Variants in WDR44 observed in about 807,000 individuals in gnomAD.
WDR44 encodes WD repeat domain 44.
WDR44 carries 9 observed loss-of-function variants against 65.7 expected under a neutral mutation model. The observed-to-expected ratio is 0.14, with a 90% CI of 0.08 to 0.24. The LOEUF is 0.24. WDR44 is among the 10% of genes least tolerant of loss of function. The probability of loss-of-function intolerance (pLI) is 1.00; values close to 1 mark genes in which losing one functional copy is unlikely to be tolerated. For synonymous variants in WDR44, 220 were observed against 235.2 expected (o/e 0.94, Z 0.59); for missense variants, 425 against 670.9 (o/e 0.63, Z 4.05).
chrX:118,409,354 T>C (rs1397543900), intron 10 of WDR44, 135 bp from the exon 11 acceptor site: 1 of 601,265 alleles, frequency 1.7e-6, no homozygotes, highest in African/African-American at 2.4e-5. Flanking sequence ...GGTCTCGAAC[T>C]CCTGACCTTA....
intron 8 of WDR44, among the ~76,000 whole-genome samples, chrX:118,400,665 GTTTTGT>G (rs1306388142): frequency 1.4e-5 from 1 of 73,268 alleles, no homozygotes; most frequent in African/African-American, 1.5e-4. Flanking sequence ...CCAGAAATCA[GTTTTGT>G]TTTTTTTTTT....
At chrX:118,391,877 G>C (rs769798326) in intron 3 of WDR44, among the ~76,000 whole-genome samples, 1 of 111,471 alleles carries the variant, frequency 9.0e-6, no homozygotes, top group Admixed American at 9.5e-5. Context: ...TTTTAGGGAG[G>C]CTGAGGCAGG....
chrX:118,393,394 A>G, intron 4 of WDR44, 123 bp downstream of exon 4: 10 of 731,911 alleles, frequency 1.4e-5, no homozygotes, highest in Non-Finnish European at 2.0e-5. Context: ...AGCCTGGGCA[A>G]CATGGCAAAA....
intron 12 of WDR44, among the ~76,000 whole-genome samples, chrX:118,414,686 C>G (rs1262619597): frequency 9.0e-6 from 1 of 111,700 alleles, no homozygotes; most frequent in Non-Finnish European, 1.9e-5. Flanking sequence ...CGCTTGGTTG[C>G]TGTTGGTGTA....
chrX:118,441,268 A>G, intron 14 of WDR44, 100 bp from the exon 15 acceptor site: 1 of 849,644 alleles, frequency 1.2e-6, no homozygotes, highest in Non-Finnish European at 1.7e-6. Flanking sequence ...CCTGAAATCT[A>G]CATTTTTAAA....
chrX:118,394,020 GGTTGTTATTATT>G (rs1206971545), intron 4 of WDR44, 23 bp from the exon 5 acceptor site: 4 of 1,159,776 alleles, frequency 3.4e-6, no homozygotes, highest in Non-Finnish European at 4.7e-6. Context: ...AAACAAAAAG[GGTTGTTATTATT>G]GTTGTTATTA....
intron 12 of WDR44, among the ~76,000 whole-genome samples, chrX:118,430,854 A>G (rs1292000037): frequency 9.0e-6 from 1 of 111,171 alleles, no homozygotes; most frequent in Non-Finnish European, 1.9e-5. Flanking sequence ...ATTTGTATGT[A>G]ATGAGGGAAG....
chrX:118,399,631 A>C (rs2056894769), intron 8 of WDR44, among the ~76,000 whole-genome samples: 1 of 111,824 alleles, frequency 8.9e-6, no homozygotes, highest in Admixed American at 9.6e-5. Flanking sequence ...TCTAAGAGAA[A>C]AGTTCCTCAG....
intron 5 of WDR44, among the ~76,000 whole-genome samples, 169 bp downstream of exon 5, chrX:118,394,354 G>A (rs2056847686): frequency 9.0e-6 from 1 of 111,656 alleles, no homozygotes; most frequent in African/African-American, 3.3e-5. Context: ...GGTGAGCCTA[G>A]CAAGCTGTTT....
At chrX:118,417,954 T>C (rs549600218) in intron 12 of WDR44, among the ~76,000 whole-genome samples, 1 of 112,074 alleles carries the variant, frequency 8.9e-6, no homozygotes, top group African/African-American at 3.2e-5. Context: ...AATTTCTTTC[T>C]TCTACTTGTT....
At chrX:118,361,943 G>T (rs1027234473) in intron 1 of WDR44, among the ~76,000 whole-genome samples, 11 of 112,260 alleles carry the variant, frequency 9.8e-5, no homozygotes, top group African/African-American at 3.6e-4. Flanking sequence ...AACCAAGTTA[G>T]ATTCCTACTA....
intron 12 of WDR44, among the ~76,000 whole-genome samples, chrX:118,427,633 G>A (rs949655254): frequency 1.8e-4 from 19 of 108,202 alleles, no homozygotes; most frequent in South Asian, 4.1e-4. Context: ...TGCTCTAGCC[G>A]TCTCAGTACA....
chrX:118,378,736 T>TGTGTGTGTGTGTGTGTG lies in WDR44; in HGVS notation c.111+285_111+286insTGTGTGTGTGTGTGTGG, dbSNP rs1569362857. ...TGTGTGTGTGTGTGTGTGTGTGTGT[T>TGTGTGTGTGTGTGTGTG]GAAAAAGTGATACTTGGCCAGGCAT... On this transcript the variant is annotated intron_variant, in intron 2 of 19. Coordinates refer to ENST00000254029, the MANE Select transcript of WDR44 (RefSeq NM_019045.5). Among the ~76,000 whole-genome samples the TGTGTGTGTGTGTGTGTG allele has an allele frequency of 5.0e-3, 306 of 61,037 alleles. 4 individuals are homozygous for TGTGTGTGTGTGTGTGTG. Among genetic ancestry groups the TGTGTGTGTGTGTGTGTG allele is most frequent in the African/African-American group, 0.042 (287 of 6,850 alleles). The allele number at this position is 61,037 out of a possible 115,157, so 53.0% of individuals were successfully genotyped here. A position where few individuals can be genotyped will look rare whatever the true frequency, so the allele number is the denominator to read the frequency against.
At chrX:118,441,062 C>T (rs1412769331) in intron 14 of WDR44, among the ~76,000 whole-genome samples, 1 of 98,142 alleles carries the variant, frequency 1.0e-5, no homozygotes, top group East Asian at 3.5e-4. Context: ...TGGGTTCAAG[C>T]GATTCTCCTG....
rs2056972661 is a variant in WDR44 at position 118,406,894 on chromosome X, T to C, written c.1401T>C (p.Asp467=). Residue 467 remains aspartate, a synonymous_variant, in exon 10 of 20, where the codon GAT becomes GAC. Transcript: ENST00000254029. Reference sequence around the variant, plus strand: ...GTTCAGTGTTTCATACTGATCAAGATGATCCTTCATCAAGTGATGATGAAG... The same window carrying C: ...GTTCAGTGTTTCATACTGATCAAGACGATCCTTCATCAAGTGATGATGAAG... The part of the protein sequence containing the change: ...VRDEVFHTDQ[D]DPSSSDDEGM... 1 of 1,208,125 alleles carries C rather than the reference T, an allele frequency of 8.3e-7. No individual in the cohort carries two copies. The highest frequency in any genetic ancestry group is 1.1e-6 in the Non-Finnish European group (1 of 894,128).
At chrX:118,422,731 G>A (rs192693144) in intron 12 of WDR44, among the ~76,000 whole-genome samples, 43 of 111,030 alleles carry the variant, frequency 3.9e-4, no homozygotes, top group African/African-American at 1.4e-3. Context: ...TATATCATTA[G>A]AATCTAGAAC....
intron 4 of WDR44, 138 bp from the exon 5 acceptor site, chrX:118,393,917 G>T: frequency 1.8e-6 from 1 of 543,742 alleles, no homozygotes; most frequent in Non-Finnish European, 2.9e-6. Flanking sequence ...GTATAGTCTT[G>T]AGGAAATTAA....
chrX:118,435,062 C>T (rs1371276033), intron 13 of WDR44, among the ~76,000 whole-genome samples: 8 of 111,025 alleles, frequency 7.2e-5, no homozygotes, highest in Non-Finnish European at 9.4e-5. Context: ...AGTTTAAGAA[C>T]GTTATTTAAT....
At chrX:118,434,072 A>T (rs1436210088) in intron 13 of WDR44, among the ~76,000 whole-genome samples, 1 of 112,516 alleles carries the variant, frequency 8.9e-6, no homozygotes, top group African/African-American at 3.2e-5. Context: ...CACAGTAGCT[A>T]ATCACTACAA....
Sources: gnomAD v4.1 joint callset for allele counts (sites outside exome capture counted in the v4.1 genomes callset) on GRCh38, gnomAD v4.1.1 for gene constraint, MANE v1.5 for transcripts, NCBI Gene and HGNC (gene_info 2026-07-23, HGNC 2026-07-21) for gene names.